The following IKZF4 variants were observed in gnomAD, a reference collection of about 807,000 sequenced individuals.
IKZF4 encodes the protein zinc finger protein Eos.
Under a neutral mutation model 47.7 loss-of-function variants are expected in IKZF4, and 11 were observed. That is an observed-to-expected ratio of 0.23 (90% CI 0.15 to 0.38). IKZF4 has a LOEUF of 0.38. IKZF4 is among the 10% of genes least tolerant of loss of function. The pLI is 1.00. For missense variants in IKZF4, 557 were observed against 784.9 expected (o/e 0.71, Z 3.47); for synonymous variants, 298 against 299.4 (o/e 1.00, Z 0.05).
At chr12:56,023,816 CAGGG>C in intron 2 of IKZF4, 52 bp downstream of exon 2, 1 of 1,589,758 alleles carries the variant, frequency 6.3e-7, no homozygotes, top group African/African-American at 1.3e-5. Flanking sequence ...AGGTGGACTT[CAGGG>C]ATGAATTTTA....
chr12:56,035,109 C>G lies in IKZF4; in HGVS notation c.1536C>G (p.Pro512=), dbSNP rs1193709830. Reference sequence around the variant, plus strand: ...GGTTATTGCGGGGCACCCCAGGCCCCTCCAAGGAAGTGCTTCGGGTGGTGG... The same window carrying G: ...GGTTATTGCGGGGCACCCCAGGCCCGTCCAAGGAAGTGCTTCGGGTGGTGG... ...QEGLLRGTPG[P]SKEVLRVVGE... The change falls in exon 8 of 8, where the codon CCC becomes CCG. Residue 512 remains proline (P), a synonymous_variant. Coordinates refer to ENST00000547167, the MANE Select transcript of IKZF4 (RefSeq NM_022465.4). The surrounding 1 kb of genome is among the most constrained non-coding windows in gnomAD (Gnocchi z 6.1). 3.1e-6 allele frequency: 5 copies of G among 1,612,068 alleles called. No individual in the cohort carries two copies. Among genetic ancestry groups the G allele is most frequent in the Admixed American group, 1.7e-5 (1 of 59,962 alleles).
At chr12:56,018,088 A>AGCT (rs1395419302), upstream of IKZF4, 11 of 1,237,852 alleles carry the variant, frequency 8.9e-6, no homozygotes, top group East Asian at 3.9e-4. Context: ...CCCTTCCCAG[A>AGCT]GCTATCTTCT....
chr12:56,019,479 A>C, upstream of IKZF4: 1 of 399,438 alleles, frequency 2.5e-6, no homozygotes, highest in East Asian at 1.6e-4. Flanking sequence ...GGGTAAAGGC[A>C]TTCAATATCT....
chr12:56,022,949 G>A (rs912213615), intron 1 of IKZF4, among the ~76,000 whole-genome samples: 2 of 152,082 alleles, frequency 1.3e-5, no homozygotes, highest in South Asian at 2.1e-4. Flanking sequence ...ACAGGCGCCC[G>A]CTACCATGCC....
intron 1 of IKZF4, among the ~76,000 whole-genome samples, chr12:56,022,895 G>A (rs934494623): frequency 2.0e-5 from 3 of 151,316 alleles, no homozygotes; most frequent in Admixed American, 6.6e-5. Flanking sequence ...CGCCTCCCAG[G>A]TTCACGCCAT....
intron 2 of IKZF4, among the ~76,000 whole-genome samples, chr12:56,013,461 G>T (rs1891590531): frequency 6.6e-6 from 1 of 152,150 alleles, no homozygotes; most frequent in African/African-American, 2.4e-5. Flanking sequence ...CTCCCAGAGT[G>T]CTGGGATTAC....
At chr12:56,029,154 T>C (rs1894522720) in intron 5 of IKZF4, among the ~76,000 whole-genome samples, 1 of 152,182 alleles carries the variant, frequency 6.6e-6, no homozygotes, top group African/African-American at 2.4e-5. Context: ...AAGAGTATCC[T>C]ATTTCTGTTC....
chr12:56,022,510 GAGGAACTGTTAAACTT>G (rs1385518471), intron 1 of IKZF4, among the ~76,000 whole-genome samples: 1 of 152,184 alleles, frequency 6.6e-6, no homozygotes, highest in East Asian at 1.9e-4. Context: ...GGGGCTGAGA[GAGGAACTGTTAAACTT>G]CCTAAATCTT....
At chr12:56,009,564 AAAAATAAAAT>A (rs1423049181) in intron 1 of IKZF4, among the ~76,000 whole-genome samples, 3 of 152,210 alleles carry the variant, frequency 2.0e-5, no homozygotes, top group Non-Finnish European at 4.4e-5. Context: ...CTCCTGAGAT[AAAAATAAAAT>A]CTTAAAAGAA....
In IKZF4 at chr12:56,025,174, T is replaced by C; in HGVS notation, c.286+16T>C. ...TCACTCAGTGGTAAGTGTAACCTCC[T>C]ACCACCTCCTGGCAGTAGGCACCCC... On this transcript the variant is annotated intron_variant, in intron 3 of 7. Coordinates refer to ENST00000547167, the MANE Select transcript of IKZF4 (RefSeq NM_022465.4). 6.5e-7 allele frequency: 1 copy of C among 1,538,946 alleles called. No homozygotes were observed. Among genetic ancestry groups the C allele is most frequent in the South Asian group, 1.2e-5 (1 of 80,482 alleles).
intron 1 of IKZF4, chr12:56,011,356 G>A (rs1891306901): frequency 6.6e-6 from 1 of 152,166 alleles, no homozygotes; most frequent in Admixed American, 6.5e-5. Context: ...AATGAGACAT[G>A]GGAGGGATAG....
At chr12:56,024,987 G>A in intron 2 of IKZF4, 67 bp from the exon 3 acceptor site, 1 of 1,550,342 alleles carries the variant, frequency 6.5e-7, no homozygotes, top group Non-Finnish European at 8.7e-7. Context: ...TTTTTTAAAA[G>A]ATTAGGCAAT....
At chr12:56,020,789 C>A, upstream of IKZF4, 1 of 242,274 alleles carries the variant, frequency 4.1e-6, no homozygotes, top group Non-Finnish European at 6.7e-6. Flanking sequence ...GCTGGGCCCT[C>A]TCACTGCTGG....
upstream of IKZF4, among the ~76,000 whole-genome samples, chr12:56,016,832 GA>G (rs1433097153): frequency 6.6e-6 from 1 of 152,120 alleles, no homozygotes; most frequent in African/African-American, 2.4e-5. Context: ...GACCTGAGGT[GA>G]TCCGCCCGCC....
upstream of IKZF4, chr12:56,018,234 A>C (rs1892386592): frequency 1.6e-6 from 2 of 1,227,508 alleles, no homozygotes; most frequent in Admixed American, 4.6e-5. Context: ...TCTCCTGTAG[A>C]GCAGAGCAGA....
Position 56,021,294 on chromosome 12 carries a change from T to TCATA in IKZF4, c.-198_-197insTACA. On this transcript the variant is annotated 5_prime_UTR_variant, in exon 1 of 8. Transcript: ENST00000547167. Reference sequence around the variant, plus strand: ...CTCTCCCTCTCTCTCTCTCTCTCTCTCACACACACACACACACACACACTC... The same window carrying TCATA: ...CTCTCCCTCTCTCTCTCTCTCTCTCTCATACACACACACACACACACACACACTC... The TCATA allele has an allele frequency of 8.8e-7, 1 of 1,140,138 alleles. No individual in the cohort carries two copies. Among genetic ancestry groups the TCATA allele is most frequent in the Non-Finnish European group, 1.2e-6 (1 of 838,368 alleles). 70.6% of individuals were successfully genotyped at this position (1,140,138 alleles called of 1,614,324 possible). A position where few individuals can be genotyped will look rare whatever the true frequency, so the allele number is the denominator to read the frequency against.
intron 2 of IKZF4, chr12:56,024,581 T>C: frequency 1.1e-6 from 1 of 936,198 alleles, no homozygotes; most frequent in Non-Finnish European, 1.3e-6. Flanking sequence ...TAGTAAGTAC[T>C]CAATTAATAT....
chr12:56,023,153 C>T (rs766137089), intron 1 of IKZF4, among the ~76,000 whole-genome samples: 3 of 152,310 alleles, frequency 2.0e-5, no homozygotes, highest in Non-Finnish European at 4.4e-5. Flanking sequence ...CATAGCAAGT[C>T]GCTGGCCTCA....
chr12:56,023,825 A>C (rs1481858355), intron 2 of IKZF4, 61 bp downstream of exon 2: 3 of 1,577,744 alleles, frequency 1.9e-6, no homozygotes, highest in Admixed American at 1.8e-5. Context: ...TCAGGGATGA[A>C]TTTTAGGCTT....
Sources: gnomAD v4.1 joint callset for allele counts (sites outside exome capture counted in the v4.1 genomes callset) on GRCh38, gnomAD v4.1.1 for gene constraint, Gnocchi (gnomAD v3.1) non-coding constraint, MANE v1.5 for transcripts, NCBI Gene and HGNC (gene_info 2026-07-23, HGNC 2026-07-21) for gene names.